The following EPB41L4A variants were observed in gnomAD, a reference collection of about 807,000 sequenced individuals.
EPB41L4A encodes band 4.1-like protein 4A.
In EPB41L4A, 100 loss-of-function variants were observed where a neutral mutation model predicts 108.6. The ratio of observed to expected loss-of-function variants is 0.92; its 90% CI spans 0.78 to 1.09. The LOEUF (loss-of-function observed/expected upper bound fraction) is 1.09. EPB41L4A is among the 50% of genes least tolerant of loss of function. EPB41L4A has a pLI of 0.00. For missense variants in EPB41L4A, 1,030 were observed against 842.7 expected (o/e 1.22, Z -2.75); for synonymous variants, 319 against 289.0 (o/e 1.10, Z -1.05).
At chr5:112,161,367 C>A (rs1246223005), downstream of EPB41L4A, 15 of 413,374 alleles carry the variant, frequency 3.6e-5, no homozygotes, top group Non-Finnish European at 6.7e-5. Flanking sequence ...ATTATTAAGT[C>A]GGATTTTAAA....
chr5:112,340,715 A>G (rs1757260057), intron 1 of EPB41L4A, among the ~76,000 whole-genome samples: 1 of 152,080 alleles, frequency 6.6e-6, no homozygotes. Context: ...GTTTCTGCCA[A>G]TTTTCTTTCG....
At chr5:112,191,013 G>C (rs1043179269) in intron 17 of EPB41L4A, among the ~76,000 whole-genome samples, 2 of 152,036 alleles carry the variant, frequency 1.3e-5, no homozygotes, top group African/African-American at 4.8e-5. Context: ...GAAACTAAAA[G>C]GAGAAATAAG....
chr5:112,158,703 G>A (rs566249815), downstream of EPB41L4A, among the ~76,000 whole-genome samples: 3 of 152,296 alleles, frequency 2.0e-5, no homozygotes, highest in Admixed American at 2.0e-4. Flanking sequence ...CAGCAGGAAG[G>A]TGAAGTGCCA....
At chr5:112,228,464 G>T (rs1368286511) in intron 12 of EPB41L4A, 1 of 153,780 alleles carries the variant, frequency 6.5e-6, no homozygotes, top group Non-Finnish European at 1.4e-5. Flanking sequence ...GAATGGGAAT[G>T]CCAAAAATGT....
intron 3 of EPB41L4A, among the ~76,000 whole-genome samples, chr5:112,278,254 A>ATT (rs199773939): frequency 0.19 from 27,439 of 147,306 alleles, 2,854 homozygotes; most frequent in East Asian, 0.27. Flanking sequence ...CTATACATCA[A>ATT]TTTTTTTTTT....
intron 4 of EPB41L4A, among the ~76,000 whole-genome samples, chr5:112,266,953 C>T (rs1445142269): frequency 6.6e-6 from 1 of 152,124 alleles, no homozygotes; most frequent in Non-Finnish European, 1.5e-5. Flanking sequence ...TTATATTCTC[C>T]ATTGTGCAGA....
intron 12 of EPB41L4A, among the ~76,000 whole-genome samples, chr5:112,156,057 G>C (rs1486056555): frequency 6.6e-6 from 1 of 151,910 alleles, no homozygotes; most frequent in Admixed American, 6.6e-5. Flanking sequence ...GTTTCTTCCA[G>C]AAATGCAAAA....
chr5:112,151,155 T>C (rs979325626), intron 12 of EPB41L4A, among the ~76,000 whole-genome samples: 5 of 152,078 alleles, frequency 3.3e-5, no homozygotes, highest in Non-Finnish European at 5.9e-5. Flanking sequence ...TTATCTTGAA[T>C]AGATGGTCTG....
At chr5:112,227,002 G>A (rs1463045852) in intron 12 of EPB41L4A, among the ~76,000 whole-genome samples, 1 of 149,192 alleles carries the variant, frequency 6.7e-6, no homozygotes, top group African/African-American at 2.4e-5. Flanking sequence ...AAAAGGCTTG[G>A]ACTAAATGCT....
chr5:112,346,693 G>A (rs1375056189), intron 1 of EPB41L4A, among the ~76,000 whole-genome samples: 1 of 152,158 alleles, frequency 6.6e-6, no homozygotes, highest in African/African-American at 2.4e-5. Context: ...AGACCACACT[G>A]CAGAAATGTA....
intron 1 of EPB41L4A, among the ~76,000 whole-genome samples, chr5:112,374,522 A>G (rs907966169): frequency 6.6e-6 from 1 of 152,228 alleles, no homozygotes; most frequent in African/African-American, 2.4e-5. Context: ...CATAACAATA[A>G]GAGTTATAAA....
intron 1 of EPB41L4A, among the ~76,000 whole-genome samples, chr5:112,367,029 G>C (rs1759163541): frequency 6.6e-6 from 1 of 152,174 alleles, no homozygotes; most frequent in African/African-American, 2.4e-5. Flanking sequence ...ACACACAGAG[G>C]ACACACCTTT....
intron 1 of EPB41L4A, among the ~76,000 whole-genome samples, chr5:112,366,129 C>A (rs1759105507): frequency 1.3e-5 from 2 of 152,098 alleles, no homozygotes; most frequent in Admixed American, 1.3e-4. Context: ...AGGAGCAAGG[C>A]ATTCTTGTCC....
At chr5:112,172,521 A>G (rs1054275078) in intron 18 of EPB41L4A, among the ~76,000 whole-genome samples, 2 of 152,022 alleles carry the variant, frequency 1.3e-5, no homozygotes, top group African/African-American at 4.8e-5. Flanking sequence ...CAAAAAAAAA[A>G]AAAAAAAATT....
Position 112,146,887 on chromosome 5 carries a change from G to T in EPB41L4A, n.995-889C>A, listed in dbSNP as rs368981626. 6.6e-5 allele frequency among the ~76,000 whole-genome samples: 10 copies of T among 152,268 alleles called. No homozygotes were observed. The South Asian group carries it at 1.2e-3, about 19-fold the overall frequency. ...AATGCATAAGATGTAACCTTAACAG[G>T]TCTTTTCTATTAATTAGACGAGACT... On this transcript the variant is annotated intron_variant and non_coding_transcript_variant, in intron 12 of 13. Transcript: ENST00000507810.
chr5:112,310,018 C>T (rs1230790475), intron 1 of EPB41L4A, among the ~76,000 whole-genome samples: 2 of 152,208 alleles, frequency 1.3e-5, no homozygotes, highest in Admixed American at 6.5e-5. Flanking sequence ...CAGATAAGTG[C>T]TCAGCTGACT....
chr5:112,351,017 G>T (rs1262535381), intron 1 of EPB41L4A, among the ~76,000 whole-genome samples: 2 of 152,074 alleles, frequency 1.3e-5, no homozygotes, highest in Non-Finnish European at 2.9e-5. Context: ...TAGATCATAT[G>T]GTAGTTCTAT....
At chr5:112,159,959 T>C (rs1023947187), downstream of EPB41L4A, among the ~76,000 whole-genome samples, 1 of 149,852 alleles carries the variant, frequency 6.7e-6, no homozygotes, top group Non-Finnish European at 1.5e-5. Flanking sequence ...TGGAGTCAAG[T>C]GGCATGATCT....
intron 13 of EPB41L4A, among the ~76,000 whole-genome samples, chr5:112,207,846 G>A (rs1346216878): frequency 6.6e-6 from 1 of 152,158 alleles, no homozygotes; most frequent in African/African-American, 2.4e-5. Context: ...CTCAGCCATT[G>A]TGGAAAGCAG....
Sources: gnomAD v4.1 joint callset for allele counts (sites outside exome capture counted in the v4.1 genomes callset) on GRCh38, gnomAD v4.1.1 for gene constraint, MANE v1.5 for transcripts, NCBI Gene and HGNC (gene_info 2026-07-23, HGNC 2026-07-21) for gene names.